The following MAGI3 variants were observed in gnomAD, a reference collection of about 807,000 sequenced individuals.
The protein encoded by MAGI3 is membrane associated guanylate kinase, WW and PDZ domain containing 3.
A neutral mutation model predicts 121.8 loss-of-function variants in MAGI3; 43 were observed. The ratio of observed to expected loss-of-function variants is 0.35; its 90% CI spans 0.28 to 0.46. MAGI3 has a LOEUF of 0.46. Ranked by LOEUF, MAGI3 falls within the 20% of genes least tolerant of loss-of-function variation. MAGI3 has a pLI of 1.00. For synonymous variants in MAGI3, 553 were observed against 639.3 expected (o/e 0.86, Z 2.04); for missense variants, 1,547 against 1,797.3 (o/e 0.86, Z 2.52).
rs961074359 is a variant in MAGI3, at chr1:113,487,830, AT to A, written c.317-61677del. 1.2e-4 allele frequency among the ~76,000 whole-genome samples: 18 copies of A among 151,864 alleles called. No individual in the cohort carries two copies. The East Asian group carries it at 1.5e-3, about 13-fold the overall frequency. ...CTGCTTCAAATTAGTTGATAAAATA[AT>A]TTTTTTTCACTTTAGTACCACACTT... On this transcript the variant is annotated intron_variant, in intron 1 of 20. Transcript: ENST00000307546.
chr1:113,407,096 A>G (rs955759459), intron 1 of MAGI3, among the ~76,000 whole-genome samples: 4 of 152,164 alleles, frequency 2.6e-5, no homozygotes, highest in African/African-American at 9.6e-5. Flanking sequence ...GGGGTCTGTT[A>G]GCCACAGTAA....
At chr1:113,574,774 AGT>A (rs1647518688) in intron 2 of MAGI3, among the ~76,000 whole-genome samples, 1 of 152,162 alleles carries the variant, frequency 6.6e-6, no homozygotes, top group African/African-American at 2.4e-5. Flanking sequence ...AATATCCTGA[AGT>A]GTGTTTTCCA....
chr1:113,619,992 A>G (rs927276989), intron 8 of MAGI3, among the ~76,000 whole-genome samples, 162 bp downstream of exon 8: 3 of 152,208 alleles, frequency 2.0e-5, no homozygotes, highest in East Asian at 1.9e-4. Flanking sequence ...ACATCTGAAC[A>G]TTATCAGAAT....
At chr1:113,590,316 G>A (rs1419401405) in intron 4 of MAGI3, among the ~76,000 whole-genome samples, 168 bp from the exon 5 acceptor site, 4 of 152,102 alleles carry the variant, frequency 2.6e-5, no homozygotes. Context: ...TAGGGGAAAA[G>A]AGTTGAATAT....
chr1:113,678,569 A>G (rs1388959386), intron 19 of MAGI3, among the ~76,000 whole-genome samples: 1 of 152,212 alleles, frequency 6.6e-6, no homozygotes, highest in Non-Finnish European at 1.5e-5. Flanking sequence ...AGTCTATTTC[A>G]TAGTTGACTT....
intron 9 of MAGI3, among the ~76,000 whole-genome samples, chr1:113,626,011 G>A (rs1651214957): frequency 6.6e-6 from 1 of 151,974 alleles, no homozygotes; most frequent in Admixed American, 6.6e-5. Flanking sequence ...TGTCACCCAG[G>A]CTGGAGGGCA....
intron 1 of MAGI3, among the ~76,000 whole-genome samples, chr1:113,508,268 G>C (rs1657441516): frequency 6.6e-6 from 1 of 152,112 alleles, no homozygotes; most frequent in Non-Finnish European, 1.5e-5. Flanking sequence ...TTTTGTTAAG[G>C]GGAAAGAGAA....
intron 1 of MAGI3, among the ~76,000 whole-genome samples, chr1:113,416,228 G>GACACATATTAATTATGTAATTAATC (rs1652349596): frequency 1.1e-5 from 1 of 87,950 alleles, no homozygotes; most frequent in South Asian, 3.4e-4. Context: ...TGTAATTAAT[G>GACACATATTAATTATGTAATTAATC]ACACATATTA....
intron 7 of MAGI3, among the ~76,000 whole-genome samples, chr1:113,619,044 C>T (rs1347330382): frequency 1.3e-5 from 2 of 152,216 alleles, no homozygotes; most frequent in Non-Finnish European, 2.9e-5. Context: ...TGGCTAATCT[C>T]CTAGCGGCTA....
At chr1:113,596,213 C>T (rs1195098611) in intron 6 of MAGI3, among the ~76,000 whole-genome samples, 1 of 151,996 alleles carries the variant, frequency 6.6e-6, no homozygotes, top group Admixed American at 6.6e-5. Flanking sequence ...ATAAATAGAT[C>T]AGTGGAACAA....
At chr1:113,520,773 T>G (rs1658138301) in intron 1 of MAGI3, among the ~76,000 whole-genome samples, 1 of 152,022 alleles carries the variant, frequency 6.6e-6, no homozygotes, top group Non-Finnish European at 1.5e-5. Context: ...TGGCTAATTT[T>G]TATCTTTTTA....
chr1:113,396,516 A>G (rs1570909612), intron 1 of MAGI3, among the ~76,000 whole-genome samples: 2 of 152,170 alleles, frequency 1.3e-5, no homozygotes, highest in South Asian at 2.1e-4. Context: ...GTTATGAGAC[A>G]TGTTTGTAGG....
intron 1 of MAGI3, among the ~76,000 whole-genome samples, chr1:113,481,947 C>G (rs1054303451): frequency 2.6e-5 from 4 of 151,466 alleles, no homozygotes; most frequent in Non-Finnish European, 5.9e-5. Context: ...TCTCATTTCT[C>G]TTTCATTCTC....
intron 9 of MAGI3, among the ~76,000 whole-genome samples, chr1:113,635,979 A>C (rs1232521254): frequency 3.3e-5 from 5 of 152,174 alleles, no homozygotes; most frequent in African/African-American, 1.2e-4. Context: ...CGAGGAATGT[A>C]TCCATTTCTT....
At chr1:113,587,242 A>G (rs1331178007) in intron 4 of MAGI3, among the ~76,000 whole-genome samples, 1 of 152,102 alleles carries the variant, frequency 6.6e-6, no homozygotes, top group Non-Finnish European at 1.5e-5. Flanking sequence ...TTGTTGCTCA[A>G]GCAGGAGTGC....
intron 1 of MAGI3, among the ~76,000 whole-genome samples, chr1:113,457,397 T>G (rs957017467): frequency 6.6e-5 from 10 of 152,142 alleles, no homozygotes; most frequent in Admixed American, 2.6e-4. Flanking sequence ...GAAAGTCAAT[T>G]TGTGTTTGAG....
chr1:113,433,777 G>A (rs945985245), intron 1 of MAGI3, among the ~76,000 whole-genome samples: 2 of 152,050 alleles, frequency 1.3e-5, no homozygotes, highest in Admixed American at 6.6e-5. Context: ...CTTTGCGTAC[G>A]TAGTTGAGAA....
At chr1:113,640,051 T>C (rs1652357470) in intron 9 of MAGI3, among the ~76,000 whole-genome samples, 2 of 152,106 alleles carry the variant, frequency 1.3e-5, no homozygotes, top group African/African-American at 4.8e-5. Flanking sequence ...AGACTGACCC[T>C]GTCAAAAAGT....
At chr1:113,474,564 C>T (rs568853367) in intron 1 of MAGI3, among the ~76,000 whole-genome samples, 7 of 152,046 alleles carry the variant, frequency 4.6e-5, no homozygotes, top group African/African-American at 1.2e-4. Flanking sequence ...GTCAAAGATC[C>T]GATGGTTGCG....
Sources: allele counts gnomAD v4.1 joint callset (sites outside exome capture counted in the v4.1 genomes callset), GRCh38; gene constraint gnomAD v4.1.1; transcripts MANE v1.5; gene names NCBI Gene and HGNC (gene_info 2026-07-23, HGNC 2026-07-21).